MELK: variants seen among roughly 807,000 people sequenced by gnomAD.
The protein encoded by MELK is maternal embryonic leucine zipper kinase, also known as pEg3 kinase.
In MELK, 81 loss-of-function variants were observed where a neutral mutation model predicts 85.0. The observed-to-expected ratio is 0.95, with a 90% CI of 0.80 to 1.15. The LOEUF is 1.15. MELK is among the 50% of genes most tolerant of loss of function. The pLI is 0.00. For missense variants in MELK, 754 were observed against 777.5 expected (o/e 0.97, Z 0.36); for synonymous variants, 252 against 265.0 (o/e 0.95, Z 0.48).
At chr9:36,597,536 T>C (rs1481554259) in intron 6 of MELK, among the ~76,000 whole-genome samples, 8 of 152,210 alleles carry the variant, frequency 5.3e-5, no homozygotes, top group Non-Finnish European at 8.8e-5. Context: ...ATGGGTATGC[T>C]GTGAGAATTT....
At chr9:36,673,298 T>C (rs1269853989) in intron 16 of MELK, among the ~76,000 whole-genome samples, 1 of 152,214 alleles carries the variant, frequency 6.6e-6, no homozygotes, top group Non-Finnish European at 1.5e-5. Context: ...TTTCACGACA[T>C]TTGCTCTATG....
At chr9:36,597,146 T>C (rs1305945347) in intron 5 of MELK, 76 bp from the exon 6 acceptor site, 2 of 1,312,660 alleles carry the variant, frequency 1.5e-6, no homozygotes, top group Admixed American at 3.7e-5. Flanking sequence ...CTTAAGTCAT[T>C]TTTAGAAATG....
At position 36,628,895 on chromosome 9, in the gene MELK, G is replaced by A. The variant is rs1411551167; in HGVS notation, c.667-1404G>A. Among the ~76,000 whole-genome samples, 3 of 129,212 alleles carry A rather than the reference G, an allele frequency of 2.3e-5. No individual in the cohort carries two copies. In the South Asian group the frequency reaches 7.0e-4, roughly 30 times the overall value. 84.8% of individuals were successfully genotyped at this position (129,212 alleles called of 152,430 possible). A position where few individuals can be genotyped will look rare whatever the true frequency, so the allele number is the denominator to read the frequency against. ...TTTTTTTTTTTTGAGACGGAGTCTC[G>A]TTCTGTCGCCCAGGCTAGAGTGCTG... On this transcript the variant is annotated intron_variant, in intron 8 of 17. Coordinates refer to ENST00000298048, the MANE Select transcript of MELK (RefSeq NM_014791.4).
chr9:36,636,707 AC>A (rs1368007568), intron 10 of MELK, among the ~76,000 whole-genome samples: 1 of 148,628 alleles, frequency 6.7e-6, no homozygotes, highest in African/African-American at 2.5e-5. Flanking sequence ...GCTAACCTGG[AC>A]TTTTTTATGT....
chr9:36,621,343 A>G (rs184366006), intron 8 of MELK, among the ~76,000 whole-genome samples: 1 of 142,484 alleles, frequency 7.0e-6, no homozygotes, highest in Non-Finnish European at 1.5e-5. Context: ...ACCACTCCCT[A>G]AGTGTTCCGA....
intron 5 of MELK, among the ~76,000 whole-genome samples, chr9:36,595,528 G>A (rs990995603): frequency 6.6e-6 from 1 of 151,848 alleles, no homozygotes; most frequent in African/African-American, 2.4e-5. Flanking sequence ...CACCGCTCCT[G>A]GCCTTGGTAG....
chr9:36,654,644 C>T (rs1020034571), intron 12 of MELK, among the ~76,000 whole-genome samples: 4 of 152,096 alleles, frequency 2.6e-5, no homozygotes, highest in Admixed American at 2.6e-4. Flanking sequence ...GCGTGAACCA[C>T]CACACCCGGC....
chr9:36,606,772 A>G (rs2135814914), intron 7 of MELK: 1 of 148,108 alleles, frequency 6.8e-6, no homozygotes, highest in South Asian at 2.1e-4. Context: ...AATAATCTAT[A>G]TAATATATAT....
intron 7 of MELK, among the ~76,000 whole-genome samples, chr9:36,604,312 C>T (rs1347390576): frequency 4.0e-4 from 41 of 102,582 alleles, no homozygotes; most frequent in African/African-American, 1.4e-3. Flanking sequence ...AAGTCTCGCT[C>T]TTGTCCCCCA....
chr9:36,675,614 T>C (rs550161500), intron 17 of MELK, among the ~76,000 whole-genome samples: 2 of 152,314 alleles, frequency 1.3e-5, no homozygotes, highest in South Asian at 2.1e-4. Flanking sequence ...TCTTCATGAC[T>C]GGCTGTTTTA....
chr9:36,575,019 C>G (rs933546832), intron 1 of MELK, among the ~76,000 whole-genome samples: 3 of 152,044 alleles, frequency 2.0e-5, no homozygotes, highest in Admixed American at 2.0e-4. Flanking sequence ...ACCTGTAATC[C>G]CAGCTACTTG....
intron 13 of MELK, 137 bp downstream of exon 13, chr9:36,657,500 G>T (rs1831370017): frequency 3.2e-6 from 3 of 935,826 alleles, no homozygotes; most frequent in Non-Finnish European, 4.6e-6. Flanking sequence ...AGCGATAACT[G>T]GAATACGAAT....
chr9:36,676,688 GT>G (rs1428609556), intron 17 of MELK, among the ~76,000 whole-genome samples: 1 of 152,170 alleles, frequency 6.6e-6, no homozygotes, highest in Non-Finnish European at 1.5e-5. Flanking sequence ...AAAAACACAC[GT>G]GCCTTTCTGA....
intron 4 of MELK, among the ~76,000 whole-genome samples, 197 bp downstream of exon 4, chr9:36,589,849 C>G (rs1347125908): frequency 6.6e-6 from 1 of 151,776 alleles, no homozygotes. Context: ...CTAATACACC[C>G]CTAATGGGGT....
chr9:36,628,580 C>T (rs370892892), intron 8 of MELK, among the ~76,000 whole-genome samples: 30 of 151,736 alleles, frequency 2.0e-4, no homozygotes, highest in South Asian at 1.3e-3. Flanking sequence ...CCACCACGCC[C>T]GGCTAATTTT....
intron 8 of MELK, among the ~76,000 whole-genome samples, chr9:36,617,791 T>C (rs923903903): frequency 6.6e-6 from 1 of 152,198 alleles, no homozygotes; most frequent in African/African-American, 2.4e-5. Flanking sequence ...TAAAAAAAAC[T>C]GTAGAGATTT....
chr9:36,583,921 G>C (rs1274837291), intron 3 of MELK, among the ~76,000 whole-genome samples: 1 of 152,218 alleles, frequency 6.6e-6, no homozygotes, highest in Non-Finnish European at 1.5e-5. Flanking sequence ...GGACATATTT[G>C]AAGTCTGTAG....
At chr9:36,633,044 G>A (rs1828797703) in intron 9 of MELK, 58 bp from the exon 10 acceptor site, 3 of 1,190,094 alleles carry the variant, frequency 2.5e-6, no homozygotes, top group East Asian at 4.7e-5. Flanking sequence ...AGGAGGAAAG[G>A]TGTTCTATGT....
chr9:36,597,277 G>C lies in MELK; in HGVS notation c.461G>C (p.Cys154Ser), dbSNP rs767856840. ...TTAAAGCTGATTGACTTTGGTCTCT[G>C]TGCAAAACCCAAGGTAAGTGCAGAA... The part of the protein sequence containing the change: ...HKLKLIDFGL[C>S]AKPKGNKDYH... The change falls in exon 6 of 18, where the codon TGT (cysteine) becomes TCT (serine). Residue 154 changes from cysteine to serine, a missense_variant. Coordinates refer to ENST00000298048, the MANE Select transcript of MELK (RefSeq NM_014791.4). The C allele has an allele frequency of 1.9e-6, 3 of 1,613,062 alleles. No individual in the cohort carries two copies. The highest frequency in any genetic ancestry group is 2.2e-5 in the East Asian group (1 of 44,876).
Sources: gnomAD v4.1 joint callset for allele counts (sites outside exome capture counted in the v4.1 genomes callset) on GRCh38, gnomAD v4.1.1 for gene constraint, MANE v1.5 for transcripts, NCBI Gene and HGNC (gene_info 2026-07-23, HGNC 2026-07-21) for gene names.